The following NUP43 variants were observed in gnomAD, a reference collection of about 807,000 sequenced individuals.
NUP43 encodes nucleoporin Nup43.
NUP43 carries 32 observed loss-of-function variants against 47.3 expected under a neutral mutation model. The ratio of observed to expected loss-of-function variants is 0.68; its 90% CI spans 0.51 to 0.91. The LOEUF (loss-of-function observed/expected upper bound fraction) is 0.91. NUP43 is among the 40% of genes least tolerant of loss of function. The pLI is 0.00. For synonymous variants in NUP43, 147 were observed against 158.4 expected, an observed-to-expected ratio of 0.93 and a Z score of 0.54; for missense variants, 444 against 453.9, an observed-to-expected ratio of 0.98 and a Z score of 0.20.
At chr6:149,741,062 CAA>C (rs562659886) in intron 4 of NUP43, among the ~76,000 whole-genome samples, 1 of 142,410 alleles carries the variant, frequency 7.0e-6, no homozygotes, top group African/African-American at 2.6e-5. Flanking sequence ...GCCCTCTCAC[CAA>C]AAAAAAAAAG....
At chr6:149,740,345 A>T (rs973972385) in intron 4 of NUP43, among the ~76,000 whole-genome samples, 4 of 151,680 alleles carry the variant, frequency 2.6e-5, no homozygotes, top group African/African-American at 7.3e-5. Flanking sequence ...TAAACAACAC[A>T]AAAGGCCAGG....
At chr6:149,732,375 G>A (rs147765328) in intron 6 of NUP43, among the ~76,000 whole-genome samples, 1,850 of 148,924 alleles carry the variant, frequency 0.012, 13 homozygotes, top group Non-Finnish European at 0.02. Context: ...GTGAAACTCC[G>A]TCTCTACTAA....
intron 7 of NUP43, among the ~76,000 whole-genome samples, chr6:149,729,715 G>C (rs2115079228): frequency 6.6e-6 from 1 of 151,960 alleles, no homozygotes; most frequent in African/African-American, 2.4e-5. Context: ...CATTCTAATT[G>C]GACTCTTACT....
Position 149,740,644 on chromosome 6 carries a change from A to C in NUP43, c.502+1746T>G, listed in dbSNP as rs1440056854. Among the ~76,000 whole-genome samples the C allele has an allele frequency of 5.3e-5, 8 of 152,096 alleles. No homozygotes were observed. In the South Asian group the frequency reaches 6.2e-4, roughly 12 times the overall value. ...CTCCATCTAAACAAACAAACAAACA[A>C]AACACACACATACAAAATGGATTCA... On this transcript the variant is annotated intron_variant, in intron 4 of 7. Transcript: ENST00000340413.
Position 149,746,330 on chromosome 6 carries a change from C to T in NUP43, c.120+46G>A, listed in dbSNP as rs370044824. ...GCGGAAGGCCAGGGGTCAGCTCAAC[C>T]GGAGAGAGGGAGGAGGTAGGGGCTC... is the stretch of plus-strand genomic sequence containing the variant. On this transcript the variant is annotated intron_variant, in intron 1 of 7. Coordinates refer to ENST00000340413, the MANE Select transcript of NUP43 (RefSeq NM_198887.3). The T allele has an allele frequency of 3.1e-6, 5 of 1,603,888 alleles. No individual in the cohort carries two copies. The African/African-American group carries it at 6.7e-5, about 21-fold the overall frequency.
intron 2 of NUP43, 32 bp downstream of exon 2, chr6:149,745,908 A>G: frequency 6.3e-7 from 1 of 1,582,534 alleles, no homozygotes; most frequent in Non-Finnish European, 8.6e-7. Flanking sequence ...CAGGACTTTC[A>G]AAGTTAGCTT....
Position 149,734,870 on chromosome 6 carries a change from T to C in NUP43, c.790+1601A>G, listed in dbSNP as rs1785241708. Among the ~76,000 whole-genome samples the C allele has an allele frequency of 3.3e-5, 5 of 151,526 alleles. No individual in the cohort carries two copies. The South Asian group carries it at 1.0e-3, about 32-fold the overall frequency. ...ACAGAGTGAGAAAATGAAAAATTTC[T>C]GTCCGGCTAAATCATCTCCACCAGA... is the stretch of plus-strand genomic sequence containing the variant. On this transcript the variant is annotated intron_variant, in intron 6 of 7. Coordinates refer to ENST00000340413, the MANE Select transcript of NUP43 (RefSeq NM_198887.3).
intron 2 of NUP43, among the ~76,000 whole-genome samples, chr6:149,744,781 A>G (rs910039598): frequency 2.0e-5 from 3 of 151,856 alleles, no homozygotes; most frequent in African/African-American, 7.2e-5. Flanking sequence ...AGTTGCAGTA[A>G]GCTGAGCTCT....
At position 149,743,659 on chromosome 6, in the gene NUP43, G is replaced by A; in HGVS notation, c.300C>T (p.Phe100=). 1 of 1,607,314 alleles carries A rather than the reference G, an allele frequency of 6.2e-7. No individual in the cohort carries two copies. Among genetic ancestry groups the A allele is most frequent in the East Asian group, 2.2e-5 (1 of 44,810 alleles). ...AASSTGCVTV[F]LHHPNNQTLS... Reference sequence around the variant, plus strand: ...TTACCTGGTTATTTGGATGGTGAAGGAAAACTGTTACACATCCTGTTGATG... The same window carrying A: ...TTACCTGGTTATTTGGATGGTGAAGAAAAACTGTTACACATCCTGTTGATG... The change falls in exon 3 of 8, where the codon TTC becomes TTT. Residue 100 remains phenylalanine (F), a synonymous_variant. Coordinates refer to ENST00000340413, the MANE Select transcript of NUP43 (RefSeq NM_198887.3).
chr6:149,733,680 A>G (rs9688699), intron 6 of NUP43, among the ~76,000 whole-genome samples: 56,162 of 151,840 alleles, frequency 0.37, 11,592 homozygotes, highest in East Asian at 0.81. Context: ...AACTGGGCTC[A>G]AGAGATCTGT....
intron 3 of NUP43, 69 bp from the exon 4 acceptor site, chr6:149,742,639 G>T: frequency 1.7e-6 from 2 of 1,195,420 alleles, no homozygotes; most frequent in Non-Finnish European, 2.4e-6. Context: ...CCCAACAAGA[G>T]TATCTTTAAA....
At chr6:149,741,257 TCA>T (rs1349276213) in intron 4 of NUP43, among the ~76,000 whole-genome samples, 2 of 152,108 alleles carry the variant, frequency 1.3e-5, no homozygotes, top group Non-Finnish European at 2.9e-5. Context: ...CTGCAGCCTC[TCA>T]GTCTCTCAGG....
At chr6:149,746,278 G>A (rs1453213078) in intron 1 of NUP43, 98 bp downstream of exon 1, 5 of 1,530,948 alleles carry the variant, frequency 3.3e-6, no homozygotes, top group African/African-American at 1.4e-5. Context: ...AAAAGTGCGA[G>A]AAGAACCAGA....
intron 5 of NUP43, 105 bp downstream of exon 5, chr6:149,738,538 C>T (rs1365526271): frequency 2.4e-6 from 2 of 826,612 alleles, no homozygotes; most frequent in Non-Finnish European, 3.5e-6. Flanking sequence ...GGATCTCCCT[C>T]TTAAAATGCA....
intron 2 of NUP43, among the ~76,000 whole-genome samples, chr6:149,744,039 CT>C (rs1259697341): frequency 5.3e-5 from 8 of 150,962 alleles, no homozygotes; most frequent in Non-Finnish European, 1.5e-5. Flanking sequence ...TTTGGGAGGC[CT>C]AGGTGGACGG....
At chr6:149,727,279 G>A (rs556644331) in intron 7 of NUP43, 81 bp from the exon 8 acceptor site, 3 of 1,491,094 alleles carry the variant, frequency 2.0e-6, no homozygotes, top group African/African-American at 1.4e-5. Context: ...CTGATATTTA[G>A]AAAGGTGATG....
chr6:149,736,985 T>C (rs938028943), intron 5 of NUP43, among the ~76,000 whole-genome samples: 1 of 150,250 alleles, frequency 6.7e-6, no homozygotes, highest in African/African-American at 2.5e-5. Flanking sequence ...GCCCAGCCTG[T>C]TTTTTTTTGT....
intron 1 of NUP43, 104 bp from the exon 2 acceptor site, chr6:149,746,166 G>A: frequency 1.4e-6 from 2 of 1,389,898 alleles, no homozygotes; most frequent in Non-Finnish European, 2.0e-6. Context: ...ATCTCAAATG[G>A]TATGGTGAGT....
At chr6:149,741,788 A>T (rs574620656) in intron 4 of NUP43, among the ~76,000 whole-genome samples, 21 of 152,018 alleles carry the variant, frequency 1.4e-4, no homozygotes, top group Non-Finnish European at 4.4e-5. Context: ...AACAGGCATG[A>T]GCCACCGTGC....
Sources: allele counts gnomAD v4.1 joint callset (sites outside exome capture counted in the v4.1 genomes callset), GRCh38; gene constraint gnomAD v4.1.1; transcripts MANE v1.5; gene names NCBI Gene and HGNC (gene_info 2026-07-23, HGNC 2026-07-21).